GPSM2: variants seen among roughly 807,000 people sequenced by gnomAD.
GPSM2 encodes the protein G protein-signaling modulator 2.
In GPSM2, 58 loss-of-function variants were observed where a neutral mutation model predicts 78.4. The observed-to-expected ratio is 0.74, with a 90% CI of 0.60 to 0.92. GPSM2 has a LOEUF of 0.92. GPSM2 is among the 40% of genes least tolerant of loss of function. The pLI, the probability that GPSM2 is intolerant of heterozygous loss-of-function variation, is 0.00. For synonymous variants in GPSM2, 224 were observed against 280.2 expected (o/e 0.80, Z 2.00); for missense variants, 700 against 815.5 (o/e 0.86, Z 1.73).
At chr1:108,883,666 G>A (rs7542414) in intron 1 of GPSM2, among the ~76,000 whole-genome samples, 47,576 of 151,984 alleles carry the variant, frequency 0.31, 7,955 homozygotes, top group African/African-American at 0.43. Flanking sequence ...TATAGTTTAT[G>A]TCTGATATGC....
intron 2 of GPSM2, among the ~76,000 whole-genome samples, chr1:108,892,113 C>T (rs1161837151): frequency 6.6e-6 from 1 of 152,156 alleles, no homozygotes; most frequent in Non-Finnish European, 1.5e-5. Context: ...AAGAAGATCA[C>T]ACAACCACAG....
At position 108,918,778 on chromosome 1, in the gene GPSM2, A is replaced by G. The variant is rs770350301; in HGVS notation, c.1429A>G (p.Asn477Asp). The change falls in exon 12 of 15, where the codon AAT (asparagine) becomes GAT (aspartate). Residue 477 changes from asparagine (N) to aspartate (D), a missense_variant. Transcript: ENST00000264126. ...TAATTCTATTGACCACCGAATTCCAAATTCTCAGAGGGTACGTTTAAACTA... is the reference window on the plus strand; with the variant it reads ...TAATTCTATTGACCACCGAATTCCAGATTCTCAGAGGGTACGTTTAAACTA... Reference protein sequence around the residue: ...ASNSIDHRIPNSQRKISADTI... With the variant: ...ASNSIDHRIPDSQRKISADTI... The G allele has an allele frequency of 6.2e-7, 1 of 1,611,860 alleles. No individual in the cohort carries two copies. The highest frequency in any genetic ancestry group is 1.3e-5 in the African/African-American group (1 of 74,850).
In GPSM2 at chr1:108,896,935, G is replaced by T. The variant is rs370596230; in HGVS notation, c.128G>T (p.Gly43Val). The T allele has an allele frequency of 6.2e-7, 1 of 1,614,034 alleles. No homozygotes were observed. Among genetic ancestry groups the T allele is most frequent in the African/African-American group, 1.3e-5 (1 of 74,924 alleles). Residue 43 changes from glycine (G) to valine (V), a missense_variant, in exon 3 of 15, where the codon GGC (glycine) becomes GTC (valine). Transcript: ENST00000264126. ...TGTAAATCAGGAGACTGCCGCGCTGGCGTGTCATTCTTTGAAGCTGCAGTT... is the reference window on the plus strand; with the variant it reads ...TGTAAATCAGGAGACTGCCGCGCTGTCGTGTCATTCTTTGAAGCTGCAGTT... The part of the protein sequence containing the change: ...RLCKSGDCRA[G>V]VSFFEAAVQV...
In GPSM2 at chr1:108,885,309, A is replaced by T. The variant is rs1184660510; in HGVS notation, c.-214A>T. 6.6e-6 allele frequency: 3 copies of T among 451,452 alleles called. No homozygotes were observed. The highest frequency in any genetic ancestry group is 7.9e-5 in the South Asian group (2 of 25,204). 28.0% of individuals were successfully genotyped at this position (451,452 alleles called of 1,614,324 possible). On this transcript the variant is annotated 5_prime_UTR_variant, in exon 2 of 15. It removes an upstream start codon present in the reference 5' UTR. Coordinates refer to ENST00000264126, the MANE Select transcript of GPSM2 (RefSeq NM_013296.5). Reference sequence around the variant, plus strand: ...TGAAGTGCTGCTGAAAGGGCCAGAGATGCAAGGATTTGGGATACATTTTGA... The same window carrying T: ...TGAAGTGCTGCTGAAAGGGCCAGAGTTGCAAGGATTTGGGATACATTTTGA...
rs117642016 is a variant in GPSM2, at chr1:108,889,925, T to G, written c.56+4347T>G. On this transcript the variant is annotated intron_variant, in intron 2 of 14. Transcript: ENST00000264126. ...TCCTGCCATTCTTCACCTTGCACTT[T>G]GAGCTCTGGTTTCCTGCATGTCATG... Among the ~76,000 whole-genome samples the G allele has an allele frequency of 2.6e-4, 40 of 152,334 alleles. No homozygotes were observed. The East Asian group carries it at 7.1e-3, about 27-fold the overall frequency.
At chr1:108,887,997 A>G (rs1402446155) in intron 2 of GPSM2, among the ~76,000 whole-genome samples, 1 of 152,216 alleles carries the variant, frequency 6.6e-6, no homozygotes, top group African/African-American at 2.4e-5. Flanking sequence ...GATAAAATAA[A>G]TGCAAACTTA....
chr1:108,877,028 TA>T lies in GPSM2; in HGVS notation c.-448del, dbSNP rs1211618901. 6.6e-6 allele frequency: 1 copy of T among 152,026 alleles called. No individual in the cohort carries two copies. Among genetic ancestry groups the T allele is most frequent in the East Asian group, 1.9e-4 (1 of 5,160 alleles). The allele number at this position is 152,026 out of a possible 1,614,324, so 9.4% of individuals were successfully genotyped here. A position where few individuals can be genotyped will look rare whatever the true frequency, so the allele number is the denominator to read the frequency against. Reference sequence around the variant, plus strand: ...GAGACCGGCGGAGCGGCGGGACCCCTAGGTGGCGGAGGGACGCTCCGGGAAA... The same window carrying T: ...GAGACCGGCGGAGCGGCGGGACCCCTGGTGGCGGAGGGACGCTCCGGGAAA... On this transcript the variant is annotated 5_prime_UTR_variant, in exon 1 of 15. Transcript: ENST00000264126.
chr1:108,917,661 T>TATATAA (rs1650370997), intron 11 of GPSM2, among the ~76,000 whole-genome samples: 3 of 67,616 alleles, frequency 4.4e-5, no homozygotes, highest in Non-Finnish European at 8.5e-5. Flanking sequence ...TATATATATA[T>TATATAA]ATATAAATGA....
Position 108,898,014 on chromosome 1 carries a change from A to G in GPSM2, c.470A>G (p.Lys157Arg). 1 of 1,613,978 alleles carries G rather than the reference A, an allele frequency of 6.2e-7. No individual in the cohort carries two copies. The highest frequency in any genetic ancestry group is 1.1e-5 in the South Asian group (1 of 91,082). Residue 157 changes from lysine (K) to arginine (R), a missense_variant, in exon 5 of 15, where the codon AAA becomes AGA. Physicochemically the swap from Lys to Arg is conservative, Grantham distance 26. Transcript: ENST00000264126. ...NLGNVYHAKG[K>R]SFGCPGPQDV... ...GGGAATGTGTATCATGCCAAAGGGA[A>G]AAGTTTTGGTTGCCCTGGTCCCCAG...
At chr1:108,908,466 G>A (rs574407492) in intron 10 of GPSM2, among the ~76,000 whole-genome samples, 84 of 152,038 alleles carry the variant, frequency 5.5e-4, no homozygotes, top group African/African-American at 1.9e-3. Flanking sequence ...CGTGGATCAC[G>A]AGGTCAGGAG....
rs199945575 is a variant in GPSM2, at chr1:108,908,364, CTG to C, written c.1192+4112_1192+4113del. 6.2e-3 allele frequency among the ~76,000 whole-genome samples: 907 copies of C among 145,842 alleles called. 5 individuals carry two copies. The highest frequency in any genetic ancestry group is 0.022 in the African/African-American group (850 of 39,200). On this transcript the variant is annotated intron_variant, in intron 10 of 14. Transcript: ENST00000264126. Reference sequence around the variant, plus strand: ...CCAGCCTGGGCAACAGAGCGAGACTCTGTCTCAAAAACAAAAACAAACAAAAA... The same window carrying C: ...CCAGCCTGGGCAACAGAGCGAGACTCTCTCAAAAACAAAAACAAACAAAAA...
intron 1 of GPSM2, among the ~76,000 whole-genome samples, chr1:108,883,993 C>T (rs867283359): frequency 2.6e-5 from 4 of 151,812 alleles, no homozygotes; most frequent in Non-Finnish European, 4.4e-5. Flanking sequence ...CTCACTGCAA[C>T]CTCCGCCTCC....
intron 1 of GPSM2, chr1:108,877,669 C>G (rs751498090): frequency 2.0e-5 from 3 of 152,112 alleles, no homozygotes; most frequent in Non-Finnish European, 4.4e-5. Context: ...CCTACCTAAA[C>G]CAGGCAGTTT....
At chr1:108,919,778 TGATAATCA>T (rs1187512675) in intron 12 of GPSM2, among the ~76,000 whole-genome samples, 13 of 152,220 alleles carry the variant, frequency 8.5e-5, no homozygotes, top group Non-Finnish European at 1.8e-4. Flanking sequence ...GTGGGTTTAC[TGATAATCA>T]GTATCAGGGA....
intron 10 of GPSM2, among the ~76,000 whole-genome samples, chr1:108,904,771 G>A (rs1649096336): frequency 6.7e-6 from 1 of 150,062 alleles, no homozygotes; most frequent in Admixed American, 6.6e-5. Flanking sequence ...TTTTTTGGTG[G>A]CAAAACCTAT....
chr1:108,930,241 G>C lies in GPSM2; in HGVS notation c.*301G>C. 1 of 292,442 alleles carries C rather than the reference G, an allele frequency of 3.4e-6. No homozygotes were observed. The highest frequency in any genetic ancestry group is 6.3e-6 in the Non-Finnish European group (1 of 157,648). 18.1% of individuals were successfully genotyped at this position (292,442 alleles called of 1,614,324 possible). ...AAAGTAGGAAGTTAAGTGAATCATA[G>C]ATTAGAATTTAATACTCTTATGGAA... On this transcript the variant is annotated 3_prime_UTR_variant, in exon 15 of 15. Transcript: ENST00000264126.
chr1:108,921,686 A>G (rs1057124145), intron 12 of GPSM2, among the ~76,000 whole-genome samples: 2 of 152,130 alleles, frequency 1.3e-5, no homozygotes, highest in Admixed American at 6.6e-5. Context: ...TTTGGATTGC[A>G]TATTAACCAG....
intron 11 of GPSM2, among the ~76,000 whole-genome samples, chr1:108,917,611 C>CACATATATATATATATAT (rs1312607573): frequency 3.1e-4 from 7 of 22,694 alleles, no homozygotes; most frequent in Non-Finnish European, 3.9e-4. Context: ...CACACACACA[C>CACATATATATATATATAT]ATATATATAT....
intron 11 of GPSM2, among the ~76,000 whole-genome samples, chr1:108,918,409 A>G (rs919599684): frequency 1.3e-5 from 2 of 152,194 alleles, no homozygotes; most frequent in African/African-American, 4.8e-5. Context: ...TGTTTTGATA[A>G]TGAGAATCCA....
Sources: allele counts gnomAD v4.1 joint callset (sites outside exome capture counted in the v4.1 genomes callset), GRCh38; gene constraint gnomAD v4.1.1; transcripts MANE v1.5; gene names NCBI Gene and HGNC (gene_info 2026-07-23, HGNC 2026-07-21).